PTPRD: variants seen among roughly 807,000 people sequenced by gnomAD.
PTPRD encodes receptor-type tyrosine-protein phosphatase delta.
In PTPRD, 34 loss-of-function variants were observed where a neutral mutation model predicts 214.5. The observed-to-expected ratio is 0.16, with a 90% CI of 0.12 to 0.21. PTPRD has a LOEUF of 0.21. Among genes scored for constraint, PTPRD ranks in the 10% least tolerant of loss-of-function variants. The pLI is 1.00. For missense variants in PTPRD, 2,545 were observed against 2,398.7 expected, an observed-to-expected ratio of 1.06 and a Z score of -1.27; for synonymous variants, 1,128 against 845.7, an observed-to-expected ratio of 1.33 and a Z score of -5.79.
intron 11 of PTPRD, among the ~76,000 whole-genome samples, chr9:8,776,904 T>C (rs1360595308): frequency 5.0e-5 from 1 of 20,056 alleles, no homozygotes; most frequent in African/African-American, 3.3e-4. Flanking sequence ...ATAATACATA[T>C]GTATAATATA....
At chr9:8,345,958 T>A (rs576802747) in intron 39 of PTPRD, among the ~76,000 whole-genome samples, 14 of 152,250 alleles carry the variant, frequency 9.2e-5, no homozygotes, top group Middle Eastern at 3.4e-3. Context: ...TTTCTCTCAG[T>A]AGTAGTCTCC....
chr9:9,959,148 AT>A (rs539419252), intron 4 of PTPRD, among the ~76,000 whole-genome samples: 145 of 152,308 alleles, frequency 9.5e-4, no homozygotes, highest in Non-Finnish European at 1.4e-3. Flanking sequence ...TATCTATATA[AT>A]AAAATATTAT....
At position 8,851,902 on chromosome 9, in the gene PTPRD, C is replaced by T. The variant is rs566345173; in HGVS notation, c.-103-117956G>A. 7.9e-3 allele frequency among the ~76,000 whole-genome samples: 1,195 copies of T among 151,956 alleles called. 12 individuals carry two copies. The highest frequency in any genetic ancestry group is 0.013 in the Non-Finnish European group (875 of 67,970). On this transcript the variant is annotated intron_variant, in intron 11 of 45. Transcript: ENST00000381196. ...CACTGTAGCCTAAAAAGAAAGGAAC[C>T]TGGGTCGAGATTTTGCAATTCTTTA...
intron 14 of PTPRD, among the ~76,000 whole-genome samples, chr9:8,563,270 G>C (rs1223726732): frequency 1.3e-5 from 2 of 152,108 alleles, no homozygotes; most frequent in Non-Finnish European, 2.9e-5. Flanking sequence ...GGAATTACAA[G>C]TGTGGTGAAG....
intron 7 of PTPRD, among the ~76,000 whole-genome samples, chr9:9,589,396 C>G (rs1170137609): frequency 1.3e-5 from 2 of 151,550 alleles, no homozygotes; most frequent in Admixed American, 1.3e-4. Context: ...GGCATGTTCT[C>G]TCTTTCTCTT....
At chr9:9,354,223 A>T (rs756053674) in intron 9 of PTPRD, among the ~76,000 whole-genome samples, 1 of 151,854 alleles carries the variant, frequency 6.6e-6, no homozygotes, top group Non-Finnish European at 1.5e-5. Flanking sequence ...CCTAATCATG[A>T]TAATGACTGT....
chr9:10,485,505 T>C (rs2099126932), intron 2 of PTPRD, among the ~76,000 whole-genome samples: 1 of 152,122 alleles, frequency 6.6e-6, no homozygotes, highest in Admixed American at 6.6e-5. Context: ...TGGAGTATCT[T>C]TCCATGTTTT....
rs145694933 is a variant in PTPRD, at chr9:10,173,228, G to C, written c.-544-139438C>G. ...GAATGCTCTTTAGCGTATTCTAGTAGTGTTTTAAAATTTTGTTAGGTATAA... is the reference window on the plus strand; with the variant it reads ...GAATGCTCTTTAGCGTATTCTAGTACTGTTTTAAAATTTTGTTAGGTATAA... On this transcript the variant is annotated intron_variant, in intron 3 of 45. Transcript: ENST00000381196. 5.9e-5 allele frequency among the ~76,000 whole-genome samples: 9 copies of C among 152,204 alleles called. No individual in the cohort carries two copies. In the East Asian group the frequency reaches 1.7e-3, roughly 29 times the overall value.
At chr9:9,491,359 T>C (rs773469445) in intron 8 of PTPRD, among the ~76,000 whole-genome samples, 1 of 151,944 alleles carries the variant, frequency 6.6e-6, no homozygotes, top group Non-Finnish European at 1.5e-5. Context: ...GGGACTTTAA[T>C]AGTCAACTCT....
intron 10 of PTPRD, among the ~76,000 whole-genome samples, chr9:9,091,868 T>A (rs1038972555): frequency 2.6e-5 from 4 of 152,186 alleles, no homozygotes; most frequent in Admixed American, 6.6e-5. Flanking sequence ...TCAATTGGGT[T>A]TTGTGTTGAG....
rs35299000 is a variant in PTPRD at position 9,332,576 on chromosome 9, GAA to G, written c.-203+64871_-203+64872del. ...AACAAAATTAAGAAAATAGAAGTAA[GAA>G]AAAAAAAAAAAAACCTCTATACTGA... On this transcript the variant is annotated intron_variant, in intron 9 of 45. Transcript: ENST00000381196. 3.5e-3 allele frequency among the ~76,000 whole-genome samples: 495 copies of G among 141,530 alleles called. 1 individual carries two copies. Among genetic ancestry groups the G allele is most frequent in the East Asian group, 0.016 (75 of 4,766 alleles). The allele number at this position is 141,530 out of a possible 152,430, so 92.8% of individuals were successfully genotyped here. A position where few individuals can be genotyped will look rare whatever the true frequency, so the allele number is the denominator to read the frequency against.
intron 14 of PTPRD, among the ~76,000 whole-genome samples, chr9:8,552,404 T>C (rs1282659716): frequency 6.6e-6 from 1 of 152,178 alleles, no homozygotes; most frequent in Admixed American, 6.5e-5. Flanking sequence ...CATGTGTTTT[T>C]GGATTTGGTA....
chr9:9,705,060 G>T (rs975617848), intron 7 of PTPRD, among the ~76,000 whole-genome samples: 3 of 152,000 alleles, frequency 2.0e-5, no homozygotes, highest in Non-Finnish European at 2.9e-5. Context: ...CTTTTCTTTT[G>T]TTTAATGGAA....
chr9:9,945,654 G>A lies in PTPRD; in HGVS notation c.-471-7044C>T, dbSNP rs116969485. On this transcript the variant is annotated intron_variant, in intron 4 of 45. Coordinates refer to ENST00000381196, the MANE Select transcript of PTPRD (RefSeq NM_002839.4). ...AAGATGTGCTCTAGTAAAATTGGAG[G>A]AGGATGCTGGATTGTAATCAAGATA... is the stretch of plus-strand genomic sequence containing the variant. Among the ~76,000 whole-genome samples the A allele has an allele frequency of 1.3e-4, 20 of 152,272 alleles. No individual in the cohort carries two copies. In the East Asian group the frequency reaches 3.9e-3, roughly 29 times the overall value.
intron 14 of PTPRD, among the ~76,000 whole-genome samples, chr9:8,562,766 T>C (rs529692074): frequency 6.6e-6 from 1 of 152,226 alleles, no homozygotes; most frequent in South Asian, 2.1e-4. Flanking sequence ...AAAATTTTAA[T>C]GCAATGTAGG....
intron 11 of PTPRD, among the ~76,000 whole-genome samples, chr9:8,870,716 A>ACACACACACACACACACACACG (rs1404960021): frequency 6.6e-6 from 1 of 151,578 alleles, no homozygotes; most frequent in East Asian, 1.9e-4. Flanking sequence ...ACACACACAC[A>ACACACACACACACACACACACG]CACACACACA....
chr9:10,449,845 T>C (rs1252886111), intron 2 of PTPRD, among the ~76,000 whole-genome samples: 2 of 151,800 alleles, frequency 1.3e-5, no homozygotes, highest in Non-Finnish European at 2.9e-5. Context: ...ATTGTTACTG[T>C]GTCTGTATAG....
chr9:10,401,682 T>G (rs959404222), intron 2 of PTPRD, among the ~76,000 whole-genome samples: 1 of 149,000 alleles, frequency 6.7e-6, no homozygotes, highest in Non-Finnish European at 1.5e-5. Context: ...ACATACTGTA[T>G]GTACATAATA....
intron 11 of PTPRD, among the ~76,000 whole-genome samples, chr9:8,836,620 C>G (rs1254830170): frequency 1.1e-5 from 1 of 89,676 alleles, no homozygotes; most frequent in East Asian, 4.2e-4. Flanking sequence ...TTTTTTAAGA[C>G]GGAGTCTCGC....
Sources: gnomAD v4.1 joint callset for allele counts (sites outside exome capture counted in the v4.1 genomes callset) on GRCh38, gnomAD v4.1.1 for gene constraint, MANE v1.5 for transcripts, NCBI Gene and HGNC (gene_info 2026-07-23, HGNC 2026-07-21) for gene names.